The following TRPA1 variants were observed in gnomAD, a reference collection of about 807,000 sequenced individuals.
The protein encoded by TRPA1 is transient receptor potential cation channel subfamily A member 1.
Under a neutral mutation model 131.3 loss-of-function variants are expected in TRPA1, and 129 were observed. That is an observed-to-expected ratio of 0.98 (90% CI 0.85 to 1.14). The LOEUF (loss-of-function observed/expected upper bound fraction) is 1.14. Among genes scored for constraint, TRPA1 ranks in the 50% most tolerant of loss-of-function variants. The pLI, the probability that TRPA1 is intolerant of heterozygous loss-of-function variation, is 0.00. For synonymous variants in TRPA1, 441 were observed against 451.7 expected (o/e 0.98, Z 0.30); for missense variants, 1,304 against 1,354.2 (o/e 0.96, Z 0.58).
intron 3 of TRPA1, among the ~76,000 whole-genome samples, chr8:72,067,812 C>A (rs1009407127): frequency 2.0e-5 from 3 of 152,128 alleles, no homozygotes; most frequent in Non-Finnish European, 4.4e-5. Flanking sequence ...TTTCTAGTAA[C>A]CTCTTCAGGG....
upstream of TRPA1, among the ~76,000 whole-genome samples, chr8:72,076,806 C>T (rs1806196498): frequency 3.3e-5 from 5 of 152,284 alleles, no homozygotes; most frequent in African/African-American, 9.6e-5. Flanking sequence ...TGAACTTAAC[C>T]ACATCATGAG....
chr8:72,061,357 A>T (rs1805803384), intron 7 of TRPA1, among the ~76,000 whole-genome samples: 1 of 152,166 alleles, frequency 6.6e-6, no homozygotes, highest in South Asian at 2.1e-4. Flanking sequence ...TTTAGCACAT[A>T]GAAAATTAAT....
In TRPA1 at chr8:72,052,715, C is replaced by G. The variant is rs148317110; in HGVS notation, c.1695G>C (p.Ala565=). ...AAREGHAKAV[A]LLLSHNADIV... is the part of the protein sequence containing the mutation. ...TGTCAGCATTGTGGCTCAGAAGAAGCGCAACGGCTTTGGCGTGGCCTTCCC... is the reference window on the plus strand; with the variant it reads ...TGTCAGCATTGTGGCTCAGAAGAAGGGCAACGGCTTTGGCGTGGCCTTCCC... The change falls in exon 14 of 27, where the codon GCG becomes GCC. Residue 565 remains alanine, a synonymous_variant. Coordinates refer to ENST00000262209, the MANE Select transcript of TRPA1 (RefSeq NM_007332.3). 5 of 1,613,754 alleles carry G rather than the reference C, an allele frequency of 3.1e-6. No individual in the cohort carries two copies. The African/African-American group carries it at 5.3e-5, about 17-fold the overall frequency.
chr8:72,025,623 T>A (rs907034045), intron 25 of TRPA1, among the ~76,000 whole-genome samples: 1 of 152,174 alleles, frequency 6.6e-6, no homozygotes, highest in South Asian at 2.1e-4. Flanking sequence ...GTAAGTGACA[T>A]GTGACTAGGA....
chr8:72,048,055 G>T (rs1272208300), intron 15 of TRPA1, among the ~76,000 whole-genome samples: 1 of 151,080 alleles, frequency 6.6e-6, no homozygotes, highest in Non-Finnish European at 1.5e-5. Flanking sequence ...GGGTGGACAG[G>T]ATGGTGGGGG....
At chr8:72,043,722 T>C (rs1812334605) in intron 17 of TRPA1, among the ~76,000 whole-genome samples, 2 of 151,956 alleles carry the variant, frequency 1.3e-5, no homozygotes, top group African/African-American at 4.8e-5. Context: ...TTTGATTTGA[T>C]TGTACTTTCC....
chr8:72,058,351 T>TTC (rs1805724854), intron 8 of TRPA1, among the ~76,000 whole-genome samples: 1 of 152,152 alleles, frequency 6.6e-6, no homozygotes, highest in African/African-American at 2.4e-5. Flanking sequence ...TATTTAAAAA[T>TTC]CACATTAAAC....
chr8:72,056,528 A>G (rs182536430), intron 10 of TRPA1, among the ~76,000 whole-genome samples: 2 of 152,300 alleles, frequency 1.3e-5, no homozygotes, highest in East Asian at 3.9e-4. Context: ...AAAGTCAAGT[A>G]TGCTGAGTAA....
chr8:72,067,812 C>G (rs1009407127), intron 3 of TRPA1, among the ~76,000 whole-genome samples: 1 of 152,128 alleles, frequency 6.6e-6, no homozygotes, highest in Non-Finnish European at 1.5e-5. Flanking sequence ...TTTCTAGTAA[C>G]CTCTTCAGGG....
rs779276972 is a variant in TRPA1 at position 72,047,179 on chromosome 8, G to C, written c.1934C>G (p.Ser645Cys). ...KVLLDFCMLH[S>C]TEDKSCRDYY... is the part of the protein sequence containing the mutation. The stretch of plus-strand genomic sequence containing the variant: ...GTCTCGGCAGGACTTGTCTTCTGTG[G>C]AATGCAACATGCAGAAATCTAAAAG... The change falls in exon 16 of 27, where the codon TCC becomes TGC. Residue 645 changes from serine (S) to cysteine (C), a missense_variant. Ser to Cys is a moderately radical substitution (Grantham distance 112, BLOSUM62 -1). Transcript: ENST00000262209. 3.7e-6 allele frequency: 6 copies of C among 1,611,052 alleles called. No homozygotes were observed. The African/African-American group carries it at 8.0e-5, about 22-fold the overall frequency.
chr8:72,036,185 G>A lies in TRPA1; in HGVS notation c.2555+103C>T, dbSNP rs926818862. The A allele has an allele frequency of 2.4e-6, 3 of 1,229,562 alleles. No homozygotes were observed. In the African/African-American group the frequency reaches 4.6e-5, roughly 19 times the overall value. The allele number at this position is 1,229,562 out of a possible 1,614,324, so 76.2% of individuals were successfully genotyped here. On this transcript the variant is annotated intron_variant, in intron 21 of 26. Coordinates refer to ENST00000262209, the MANE Select transcript of TRPA1 (RefSeq NM_007332.3). The stretch of plus-strand genomic sequence containing the variant: ...AAATTCTTCATATTTTGAAACAACT[G>A]GAAAAGGAATAAGCCAGTTTTAAAT...
chr8:72,041,320 A>G (rs867965522), intron 17 of TRPA1: 1 of 152,030 alleles, frequency 6.6e-6, no homozygotes, highest in African/African-American at 2.4e-5. Flanking sequence ...CAGAAGTTCA[A>G]TAAGGAAACA....
At chr8:72,041,582 T>A (rs1812251841) in intron 17 of TRPA1, among the ~76,000 whole-genome samples, 1 of 151,868 alleles carries the variant, frequency 6.6e-6, no homozygotes, top group African/African-American at 2.4e-5. Context: ...GAAAAACCTG[T>A]GGAAGCTTAA....
At chr8:72,082,990 T>C in the TRPA1 span, among the ~76,000 whole-genome samples, 6 of 152,154 alleles carry the variant, frequency 3.9e-5, no homozygotes, top group East Asian at 1.2e-3. Flanking sequence ...TTTTTAGTCT[T>C]TTTTATCTCT....
In TRPA1 at chr8:72,036,388, C is replaced by T. The variant is rs749439696; in HGVS notation, c.2455G>A (p.Val819Met). ...GGTATTTCAACAAACAAGGGCAGCA[C>T]AAAAATGATGCCCGTCGTGTAGATA... ...WIIYTTGIIF[V>M]LPLFVEIPAH... Residue 819 changes from valine (V) to methionine (M), a missense_variant, in exon 21 of 27, where the codon GTG becomes ATG. Coordinates refer to ENST00000262209, the MANE Select transcript of TRPA1 (RefSeq NM_007332.3). 1.1e-5 allele frequency: 18 copies of T among 1,613,936 alleles called. No individual in the cohort carries two copies. Among genetic ancestry groups the T allele is most frequent in the Non-Finnish European group, 1.5e-5 (18 of 1,179,954 alleles).
intron 7 of TRPA1, among the ~76,000 whole-genome samples, chr8:72,059,958 C>T (rs566056939): frequency 6.6e-6 from 1 of 152,252 alleles, no homozygotes; most frequent in South Asian, 2.1e-4. Flanking sequence ...TATCATCTCA[C>T]AGGCAGTCAT....
chr8:72,023,696 C>T (rs1803381199), intron 26 of TRPA1, 118 bp downstream of exon 26: 1 of 680,628 alleles, frequency 1.5e-6, no homozygotes. Flanking sequence ...CTACAGCTAT[C>T]AATAAAGCAA....
At chr8:72,042,850 A>C (rs1812299522) in intron 17 of TRPA1, among the ~76,000 whole-genome samples, 1 of 151,888 alleles carries the variant, frequency 6.6e-6, no homozygotes. Context: ...TGAAGTACCT[A>C]AGGTGGAGAA....
chr8:72,044,651 C>T (rs1296494507), intron 17 of TRPA1, among the ~76,000 whole-genome samples: 1 of 151,996 alleles, frequency 6.6e-6, no homozygotes, highest in Non-Finnish European at 1.5e-5. Context: ...AATAGCCTCT[C>T]ACTGGCTCCA....
Sources: allele counts gnomAD v4.1 joint callset (sites outside exome capture counted in the v4.1 genomes callset), GRCh38; gene constraint gnomAD v4.1.1; transcripts MANE v1.5; gene names NCBI Gene and HGNC (gene_info 2026-07-23, HGNC 2026-07-21).